Variants in LRRK2 observed in about 807,000 individuals in gnomAD.
LRRK2 encodes leucine rich repeat kinase 2.
A neutral mutation model predicts 302.6 loss-of-function variants in LRRK2; 203 were observed. The ratio of observed to expected loss-of-function variants is 0.67; its 90% CI spans 0.60 to 0.75. The LOEUF (loss-of-function observed/expected upper bound fraction) is 0.75, where lower values mean the gene tolerates loss of function less well. LRRK2 is among the 30% of genes least tolerant of loss of function. The pLI, the probability that LRRK2 is intolerant of heterozygous loss-of-function variation, is 0.00. For missense variants in LRRK2, 2,830 were observed against 2,951.0 expected (o/e 0.96, Z 0.95); for synonymous variants, 1,066 against 1,031.9 (o/e 1.03, Z -0.63).
In LRRK2 at chr12:40,280,902, T is replaced by TA. The variant is rs547861423; in HGVS notation, c.2241+2648dup. ...TAACCCGGTGAAACCTTGTTTCTACTAAAAAAATACAAAAAATTAGCCAGG... is the reference window on the plus strand; with the variant it reads ...TAACCCGGTGAAACCTTGTTTCTACTAAAAAAAATACAAAAAATTAGCCAGG... On this transcript the variant is annotated intron_variant, in intron 18 of 50. Coordinates refer to ENST00000298910, the MANE Select transcript of LRRK2 (RefSeq NM_198578.4). 2.6e-4 allele frequency among the ~76,000 whole-genome samples: 39 copies of TA among 151,260 alleles called. No homozygotes were observed. In the South Asian group the frequency reaches 5.2e-3, roughly 20 times the overall value.
At position 40,294,828 on chromosome 12, in the gene LRRK2, A is replaced by G. The variant is rs756075549; in HGVS notation, c.2809-17A>G. On this transcript the variant is annotated splice_polypyrimidine_tract_variant and intron_variant, in intron 21 of 50. Transcript: ENST00000298910. Reference sequence around the variant, plus strand: ...CAATAAATGACAGCAATTTTATTATAAATTATTTTTTAATAGGGGCCCATT... The same window carrying G: ...CAATAAATGACAGCAATTTTATTATGAATTATTTTTTAATAGGGGCCCATT... 2.1e-6 allele frequency: 3 copies of G among 1,402,508 alleles called. No individual in the cohort carries two copies. Among genetic ancestry groups the G allele is most frequent in the Non-Finnish European group, 2.0e-6 (2 of 997,158 alleles). 86.9% of individuals were successfully genotyped at this position (1,402,508 alleles called of 1,614,324 possible). A position where few individuals can be genotyped will look rare whatever the true frequency, so the allele number is the denominator to read the frequency against.
chr12:40,232,265 T>C lies in LRRK2; in HGVS notation c.238-9T>C. On this transcript the variant is annotated splice_polypyrimidine_tract_variant and intron_variant, in intron 2 of 50. Transcript: ENST00000298910. ...AAAACATGTGAATATATGTCTTTCT[T>C]GTTTTCAGGTGGGTTGGTCACTTCT... 1 of 1,599,764 alleles carries C rather than the reference T, an allele frequency of 6.3e-7. No individual in the cohort carries two copies. Among genetic ancestry groups the C allele is most frequent in the East Asian group, 2.2e-5 (1 of 44,800 alleles).
intron 7 of LRRK2, 63 bp downstream of exon 7, chr12:40,243,744 T>C (rs1941849096): frequency 6.9e-7 from 1 of 1,457,174 alleles, no homozygotes; most frequent in Non-Finnish European, 9.6e-7. Context: ...ATAAAACATA[T>C]ATATGTTGCA....
chr12:40,333,502 G>A (rs184421927), intron 39 of LRRK2, among the ~76,000 whole-genome samples: 4 of 152,122 alleles, frequency 2.6e-5, no homozygotes, highest in Admixed American at 2.6e-4. Context: ...AGCGAATCTG[G>A]AATTCAAGCC....
intron 7 of LRRK2, among the ~76,000 whole-genome samples, chr12:40,247,934 A>G (rs1942083291): frequency 6.6e-6 from 1 of 151,820 alleles, no homozygotes; most frequent in South Asian, 2.1e-4. Flanking sequence ...ATTCAAGATT[A>G]TGTAAGCAGT....
At chr12:40,353,638 G>A (rs191038032) in intron 44 of LRRK2, among the ~76,000 whole-genome samples, 3 of 152,218 alleles carry the variant, frequency 2.0e-5, no homozygotes, top group Non-Finnish European at 4.4e-5. Flanking sequence ...CAGGCGGCTG[G>A]GAGGTGGAGG....
At chr12:40,356,883 T>A (rs1374140242) in intron 46 of LRRK2, among the ~76,000 whole-genome samples, 1 of 152,222 alleles carries the variant, frequency 6.6e-6, no homozygotes, top group Non-Finnish European at 1.5e-5. Context: ...ATAGAATGTG[T>A]AATGATCAAG....
chr12:40,256,053 A>G (rs1942485254), intron 11 of LRRK2, among the ~76,000 whole-genome samples: 2 of 152,192 alleles, frequency 1.3e-5, no homozygotes, highest in African/African-American at 4.8e-5. Context: ...ACAGTGTGTA[A>G]TGTTGGAACT....
intron 40 of LRRK2, among the ~76,000 whole-genome samples, chr12:40,339,068 T>A (rs950782693): frequency 6.6e-6 from 1 of 152,222 alleles, no homozygotes; most frequent in Non-Finnish European, 1.5e-5. Flanking sequence ...TATTAGTTGA[T>A]GCAGTTAAAT....
At chr12:40,329,942 T>G (rs1397330626) in intron 39 of LRRK2, among the ~76,000 whole-genome samples, 1 of 152,198 alleles carries the variant, frequency 6.6e-6, no homozygotes, top group African/African-American at 2.4e-5. Context: ...CATCATGACT[T>G]CAAGTGTTTC....
intron 8 of LRRK2, 85 bp downstream of exon 8, chr12:40,250,030 G>C: frequency 6.5e-7 from 1 of 1,529,486 alleles, no homozygotes; most frequent in South Asian, 1.2e-5. Context: ...CATATGTACA[G>C]ATGGAAGCAT....
chr12:40,330,792 A>G (rs1181601994), intron 39 of LRRK2, among the ~76,000 whole-genome samples: 2 of 152,132 alleles, frequency 1.3e-5, no homozygotes, highest in South Asian at 2.1e-4. Context: ...TTTTGGGTCT[A>G]TCATCCATGT....
chr12:40,318,229 G>C (rs1288113180), intron 33 of LRRK2, among the ~76,000 whole-genome samples: 1 of 151,932 alleles, frequency 6.6e-6, no homozygotes, highest in Non-Finnish European at 1.5e-5. Context: ...CAGATTAAAG[G>C]GGAAGGAAAA....
chr12:40,367,811 C>T lies in LRRK2; in HGVS notation c.*46C>T, dbSNP rs201079798. ...TTGGATAGGAAAATTATTCTCTCCT[C>T]TTGTAAATATTTATTTTAAAAATGT... On this transcript the variant is annotated 3_prime_UTR_variant, in exon 51 of 51. Transcript: ENST00000298910. The T allele has an allele frequency of 1.3e-4, 197 of 1,557,166 alleles. No individual in the cohort carries two copies. Among genetic ancestry groups the T allele is most frequent in the Non-Finnish European group, 1.6e-4 (188 of 1,145,286 alleles).
chr12:40,342,852 A>G (rs1413340230), intron 41 of LRRK2, among the ~76,000 whole-genome samples: 2 of 152,100 alleles, frequency 1.3e-5, no homozygotes, highest in African/African-American at 2.4e-5. Flanking sequence ...CGTGTGCATT[A>G]TGAGTGTAGG....
Position 40,308,587 on chromosome 12 carries a change from A to G in LRRK2, c.4080A>G (p.Ser1360=), listed in dbSNP as rs1437627695. 1 of 1,614,098 alleles carries G rather than the reference A, an allele frequency of 6.2e-7. No individual in the cohort carries two copies. Among genetic ancestry groups the G allele is most frequent in the African/African-American group, 1.3e-5 (1 of 75,072 alleles). The stretch of plus-strand genomic sequence containing the variant: ...AGCAATTAATGAAAACCAAGAAATC[A>G]GATCTTGGAATGCAAAGTGCCACAG... The part of the protein sequence containing the change: ...LLQQLMKTKK[S]DLGMQSATVG... The change falls in exon 29 of 51, where the codon TCA becomes TCG. Residue 1360 remains serine (S), a synonymous_variant. Transcript: ENST00000298910.
At position 40,287,417 on chromosome 12, in the gene LRRK2, C is replaced by CA; in HGVS notation, c.2568dup (p.Ala857SerfsTer10). On this transcript the variant is annotated frameshift_variant, in exon 20 of 51. Transcript: ENST00000298910. LOFTEE classifies it high-confidence loss of function. ...ATGAAAAGTGCTGTGGAAGAAGGAACAGCCTCAGGCAGCGATGGAAATTTT... is the reference window on the plus strand; with the variant it reads ...ATGAAAAGTGCTGTGGAAGAAGGAACAAGCCTCAGGCAGCGATGGAAATTTT... The CA allele has an allele frequency of 6.2e-7, 1 of 1,612,718 alleles. No homozygotes were observed. The highest frequency in any genetic ancestry group is 8.5e-7 in the Non-Finnish European group (1 of 1,179,098).
intron 39 of LRRK2, among the ~76,000 whole-genome samples, 172 bp downstream of exon 39, chr12:40,328,632 C>A (rs1348035627): frequency 6.6e-6 from 1 of 152,152 alleles, no homozygotes; most frequent in Non-Finnish European, 1.5e-5. Context: ...TGTGTTATTT[C>A]TCCTGTTGAG....
At chr12:40,332,868 C>T (rs1945752189) in intron 39 of LRRK2, among the ~76,000 whole-genome samples, 1 of 147,832 alleles carries the variant, frequency 6.8e-6, no homozygotes, top group Admixed American at 6.8e-5. Context: ...AAAATGTCTA[C>T]AGAGCCAATT....
Sources: gnomAD v4.1 joint callset for allele counts (sites outside exome capture counted in the v4.1 genomes callset) on GRCh38, gnomAD v4.1.1 for gene constraint, MANE v1.5 for transcripts, NCBI Gene and HGNC (gene_info 2026-07-23, HGNC 2026-07-21) for gene names.